The following ANKFN1 variants were observed in gnomAD, a reference collection of about 807,000 sequenced individuals.
ANKFN1 encodes the protein ankyrin repeat and fibronectin type-III domain-containing protein 1.
ANKFN1 carries 74 observed loss-of-function variants against 108.7 expected under a neutral mutation model. The ratio of observed to expected loss-of-function variants is 0.68; its 90% CI spans 0.56 to 0.83. ANKFN1 has a LOEUF of 0.83. Among genes scored for constraint, ANKFN1 ranks in the 40% least tolerant of loss-of-function variants. ANKFN1 has a pLI of 0.00. For synonymous variants in ANKFN1, 547 were observed against 516.2 expected (o/e 1.06, Z -0.81); for missense variants, 1,505 against 1,382.3 (o/e 1.09, Z -1.41).
Position 56,467,807 on chromosome 17 carries a change from A to AGAAAGAAAG in ANKFN1, c.1773+1236_1773+1237insGAAAGAAAG, listed in dbSNP as rs1568026500. On this transcript the variant is annotated intron_variant, in intron 15 of 20. Transcript: ENST00000682825. ...AGAAAGAAAGAAGAAAGAAAGAAAG[A>AGAAAGAAAG]AAGAAAGAAAGAAAGAAAGAAAGAA... is the stretch of plus-strand genomic sequence containing the variant. 9.4e-4 allele frequency among the ~76,000 whole-genome samples: 31 copies of AGAAAGAAAG among 32,864 alleles called. 2 individuals are homozygous for AGAAAGAAAG. Among genetic ancestry groups the AGAAAGAAAG allele is most frequent in the African/African-American group, 4.7e-3 (29 of 6,124 alleles). The allele number at this position is 32,864 out of a possible 152,430, so 21.6% of individuals were successfully genotyped here. A position where few individuals can be genotyped will look rare whatever the true frequency, so the allele number is the denominator to read the frequency against.
chr17:56,338,746 C>T (rs771019287), intron 4 of ANKFN1, among the ~76,000 whole-genome samples: 9 of 151,892 alleles, frequency 5.9e-5, no homozygotes, highest in Non-Finnish European at 1.0e-4. Flanking sequence ...TATTCAAGAT[C>T]CCAGCAAGAA....
At chr17:56,505,747 T>G (rs4488515) in intron 20 of ANKFN1, among the ~76,000 whole-genome samples, 124,360 of 152,216 alleles carry the variant, frequency 0.82, 51,056 homozygotes, top group East Asian at 0.94. Flanking sequence ...AATACAGGCT[T>G]TCCTTGAGAG....
chr17:56,383,534 T>A (rs974849047), intron 8 of ANKFN1, among the ~76,000 whole-genome samples: 3 of 152,022 alleles, frequency 2.0e-5, no homozygotes, highest in Admixed American at 2.0e-4. Flanking sequence ...AATTAATGAA[T>A]CCAGGAGCTG....
At chr17:56,077,869 C>A (rs1235243226) in intron 4 of ANKFN1, among the ~76,000 whole-genome samples, 3 of 152,152 alleles carry the variant, frequency 2.0e-5, no homozygotes, top group Admixed American at 2.0e-4. Context: ...TAGCTGCATG[C>A]CACTTACTTT....
intron 15 of ANKFN1, among the ~76,000 whole-genome samples, chr17:56,467,023 G>A (rs1269954103): frequency 2.0e-5 from 3 of 152,044 alleles, no homozygotes; most frequent in Non-Finnish European, 4.4e-5. Flanking sequence ...GGGCTGAGGC[G>A]GGGAGAATCG....
intron 1 of ANKFN1, among the ~76,000 whole-genome samples, chr17:56,193,257 A>T (rs1243945592): frequency 2.1e-5 from 2 of 93,986 alleles, no homozygotes; most frequent in Non-Finnish European, 4.2e-5. Context: ...TGTGGTGGGG[A>T]GGGGGGAGGG....
chr17:56,185,194 A>G lies in ANKFN1; in HGVS notation c.-70-27404A>G, dbSNP rs148524783. Reference sequence around the variant, plus strand: ...TATATGGTACATATATACTGATGTGACTTCCCCCACTAGATTGTGAGTTCA... The same window carrying G: ...TATATGGTACATATATACTGATGTGGCTTCCCCCACTAGATTGTGAGTTCA... On this transcript the variant is annotated intron_variant, in intron 1 of 20. Transcript: ENST00000682825. Among the ~76,000 whole-genome samples the G allele has an allele frequency of 5.3e-5, 8 of 152,246 alleles. No homozygotes were observed. The East Asian group carries it at 1.4e-3, about 26-fold the overall frequency.
chr17:56,421,782 G>A (rs1327301761), intron 8 of ANKFN1, among the ~76,000 whole-genome samples: 7 of 152,066 alleles, frequency 4.6e-5, no homozygotes, highest in East Asian at 1.9e-4. Flanking sequence ...GTGAAATACC[G>A]CCTCATTTTA....
chr17:56,050,474 A>G (rs1261439499), intron 4 of ANKFN1, among the ~76,000 whole-genome samples: 1 of 131,988 alleles, frequency 7.6e-6, no homozygotes, highest in East Asian at 2.2e-4. Context: ...GCCCATGCCT[A>G]TGTCCTGAAT....
chr17:56,496,672 T>C (rs1165055772), intron 19 of ANKFN1, among the ~76,000 whole-genome samples: 1 of 152,162 alleles, frequency 6.6e-6, no homozygotes, highest in African/African-American at 2.4e-5. Context: ...TTGTTAGAAT[T>C]AGGATCCACA....
chr17:56,302,418 G>A (rs1265375794), intron 3 of ANKFN1, among the ~76,000 whole-genome samples: 2 of 151,676 alleles, frequency 1.3e-5, no homozygotes, highest in Admixed American at 1.3e-4. Flanking sequence ...ATGAGGCTGA[G>A]GTGGGAGGAT....
intron 3 of ANKFN1, among the ~76,000 whole-genome samples, chr17:56,287,281 G>A (rs138086872): frequency 0.011 from 1,680 of 152,226 alleles, 11 homozygotes; most frequent in South Asian, 0.034. Context: ...CAGTACTGTA[G>A]TCTGAGCCCA....
intron 4 of ANKFN1, among the ~76,000 whole-genome samples, chr17:56,052,101 C>G (rs370716834): frequency 6.6e-6 from 1 of 151,600 alleles, no homozygotes. Context: ...AAAAAGAGCC[C>G]GCATTGCCAA....
intron 8 of ANKFN1, among the ~76,000 whole-genome samples, chr17:56,375,298 T>C (rs1380056077): frequency 6.6e-6 from 1 of 151,870 alleles, no homozygotes; most frequent in Admixed American, 6.6e-5. Context: ...AAATTCCAAA[T>C]GGAAAGGACA....
rs1268228110 is a variant in ANKFN1, at chr17:56,456,949, G to T, written c.1296G>T (p.Lys432Asn). The T allele has an allele frequency of 6.2e-7, 1 of 1,613,760 alleles. No homozygotes were observed. Among genetic ancestry groups the T allele is most frequent in the East Asian group, 2.2e-5 (1 of 44,864 alleles). The change falls in exon 12 of 21, where the codon AAG (lysine) becomes AAT (asparagine). Residue 432 changes from lysine to asparagine, a missense_variant. Physicochemically the swap from Lys to Asn is moderately conservative, Grantham distance 94 (BLOSUM62 0). Transcript: ENST00000682825. ...TCCATTCCTCGAACAAGTTTGTGAA[G>T]ACCTTAAAACGGTGGGTTCTATGTA... ...HLFHSSNKFV[K>N]TLKRGLYIAV...
At chr17:56,276,260 T>C (rs2043930017) in intron 3 of ANKFN1, among the ~76,000 whole-genome samples, 1 of 152,200 alleles carries the variant, frequency 6.6e-6, no homozygotes, top group African/African-American at 2.4e-5. Flanking sequence ...AGTTTATCAT[T>C]GATGGATATT....
chr17:56,390,842 C>T (rs1266238699), intron 8 of ANKFN1, among the ~76,000 whole-genome samples: 1 of 152,074 alleles, frequency 6.6e-6, no homozygotes, highest in African/African-American at 2.4e-5. Context: ...ACATAAATGT[C>T]TTCAGAGAAG....
At chr17:56,322,845 A>C (rs1227107680) in intron 3 of ANKFN1, among the ~76,000 whole-genome samples, 1 of 152,214 alleles carries the variant, frequency 6.6e-6, no homozygotes, top group East Asian at 1.9e-4. Context: ...AATTGGTTGC[A>C]TATCTCATGC....
chr17:56,289,791 C>T (rs1419998632), intron 3 of ANKFN1, among the ~76,000 whole-genome samples: 1 of 152,140 alleles, frequency 6.6e-6, no homozygotes, highest in African/African-American at 2.4e-5. Context: ...CTTAAGTGAC[C>T]CTCCAGGGTA....
Sources: gnomAD v4.1 joint callset for allele counts (sites outside exome capture counted in the v4.1 genomes callset) on GRCh38, gnomAD v4.1.1 for gene constraint, MANE v1.5 for transcripts, NCBI Gene and HGNC (gene_info 2026-07-23, HGNC 2026-07-21) for gene names.